Variants in TENM4 observed in about 807,000 individuals in gnomAD.
The protein encoded by TENM4 is teneurin transmembrane protein 4.
A neutral mutation model predicts 243.3 loss-of-function variants in TENM4; 82 were observed. The ratio of observed to expected loss-of-function variants is 0.34; its 90% CI spans 0.28 to 0.40. The LOEUF is 0.40. Ranked by LOEUF, TENM4 falls within the 10% of genes least tolerant of loss-of-function variation. The pLI is 1.00. For synonymous variants in TENM4, 1,412 were observed against 1,456.3 expected (o/e 0.97, Z 0.69); for missense variants, 3,138 against 3,673.3 (o/e 0.85, Z 3.77).
Position 78,658,436 on chromosome 11 carries a change from C to G in TENM4, c.7932G>C (p.Gly2644=). ...LSGGRRTLEN[G]VNVTVSQINT... ...TGATCTGGGACACAGTGACGTTGAC[C>G]CCATTCTCCAGGGTTCGCCGCCCCC... is the stretch of plus-strand genomic sequence containing the variant. Residue 2644 remains glycine, a synonymous_variant, in exon 34 of 34, where the codon GGG becomes GGC. Coordinates refer to ENST00000278550, the MANE Select transcript of TENM4 (RefSeq NM_001098816.3). 1 of 1,613,822 alleles carries G rather than the reference C, an allele frequency of 6.2e-7. No individual in the cohort carries two copies. The highest frequency in any genetic ancestry group is 8.5e-7 in the Non-Finnish European group (1 of 1,179,822).
chr11:79,195,058 G>A (rs1226468992), intron 3 of TENM4, among the ~76,000 whole-genome samples: 1 of 152,218 alleles, frequency 6.6e-6, no homozygotes, highest in Non-Finnish European at 1.5e-5. Flanking sequence ...TCAGGCTGTG[G>A]CTTCACAGGC....
intron 1 of TENM4, among the ~76,000 whole-genome samples, chr11:79,386,250 C>T (rs1222854164): frequency 6.6e-6 from 1 of 152,110 alleles, no homozygotes; most frequent in Non-Finnish European, 1.5e-5. Flanking sequence ...TTTCATACTT[C>T]ACACAAAAAT....
intron 6 of TENM4, among the ~76,000 whole-genome samples, chr11:78,916,231 G>A (rs1856313489): frequency 6.6e-6 from 1 of 152,196 alleles, no homozygotes; most frequent in Admixed American, 6.5e-5. Flanking sequence ...GTAAAATGGG[G>A]ATAATAGCAT....
At chr11:79,087,482 C>T (rs372086768) in intron 4 of TENM4, among the ~76,000 whole-genome samples, 8 of 152,300 alleles carry the variant, frequency 5.3e-5, no homozygotes, top group African/African-American at 1.7e-4. Context: ...GATCAGAGAT[C>T]GCTGTTAGCA....
intron 4 of TENM4, among the ~76,000 whole-genome samples, chr11:79,085,293 C>T (rs1367157644): frequency 6.6e-6 from 1 of 150,390 alleles, no homozygotes; most frequent in Non-Finnish European, 1.5e-5. Flanking sequence ...AGGAGAATGG[C>T]GTGAACCCGG....
chr11:79,285,422 C>T (rs556215250), intron 2 of TENM4, among the ~76,000 whole-genome samples: 6 of 152,096 alleles, frequency 3.9e-5, no homozygotes, highest in Admixed American at 2.6e-4. Context: ...TGTGAAATGG[C>T]GTAGCTATAT....
intron 20 of TENM4, among the ~76,000 whole-genome samples, chr11:78,736,715 G>A (rs1293795604): frequency 1.3e-5 from 2 of 152,200 alleles, no homozygotes; most frequent in African/African-American, 2.4e-5. Flanking sequence ...AACAAACAGA[G>A]ATTTTTGGAT....
chr11:78,774,615 T>C (rs1856705727), intron 17 of TENM4, among the ~76,000 whole-genome samples: 1 of 152,218 alleles, frequency 6.6e-6, no homozygotes, highest in African/African-American at 2.4e-5. Flanking sequence ...TATATATTTG[T>C]TAAAATAAAT....
intron 1 of TENM4, among the ~76,000 whole-genome samples, chr11:79,344,056 C>G (rs1266016778): frequency 7.9e-5 from 12 of 152,228 alleles, no homozygotes; most frequent in Admixed American, 6.5e-4. Flanking sequence ...ATTCTCCTAT[C>G]AATGAAGCAT....
intron 9 of TENM4, among the ~76,000 whole-genome samples, chr11:78,872,408 A>ACTG (rs1859157783): frequency 6.6e-6 from 1 of 152,186 alleles, no homozygotes; most frequent in Non-Finnish European, 1.5e-5. Flanking sequence ...GCCTGTTCAA[A>ACTG]CTGCTCTGCT....
chr11:78,671,361 C>T (rs903133221), intron 31 of TENM4, among the ~76,000 whole-genome samples: 5 of 152,172 alleles, frequency 3.3e-5, no homozygotes, highest in Non-Finnish European at 5.9e-5. Flanking sequence ...AGACCCACCT[C>T]AGAGCAAGCA....
At chr11:78,850,443 G>T (rs1858509439) in intron 12 of TENM4, among the ~76,000 whole-genome samples, 1 of 152,032 alleles carries the variant, frequency 6.6e-6, no homozygotes, top group Non-Finnish European at 1.5e-5. Flanking sequence ...TTATATATTG[G>T]GGCCATAATG....
At chr11:79,059,620 T>A (rs1017470385) in intron 6 of TENM4, among the ~76,000 whole-genome samples, 5 of 152,232 alleles carry the variant, frequency 3.3e-5, no homozygotes, top group Admixed American at 1.3e-4. Flanking sequence ...TTAATCTTTT[T>A]AATCATTTTG....
chr11:79,053,736 A>G (rs1404445399), intron 6 of TENM4, among the ~76,000 whole-genome samples: 2 of 152,104 alleles, frequency 1.3e-5, no homozygotes, highest in Non-Finnish European at 2.9e-5. Flanking sequence ...CTCTTCCTGA[A>G]AGAGATATTT....
At chr11:79,208,394 C>A (rs1863891156) in intron 3 of TENM4, among the ~76,000 whole-genome samples, 1 of 152,206 alleles carries the variant, frequency 6.6e-6, no homozygotes, top group African/African-American at 2.4e-5. Flanking sequence ...TCTCTCCACC[C>A]TGGTTTCCTC....
At chr11:78,894,117 A>G (rs1855734833) in intron 7 of TENM4, among the ~76,000 whole-genome samples, 1 of 152,182 alleles carries the variant, frequency 6.6e-6, no homozygotes, top group Admixed American at 6.5e-5. Context: ...GCACATAGTC[A>G]GTGCTTCATT....
chr11:79,015,581 T>C (rs1026128384), intron 6 of TENM4, among the ~76,000 whole-genome samples: 1 of 151,844 alleles, frequency 6.6e-6, no homozygotes, highest in Non-Finnish European at 1.5e-5. Context: ...AAACAACAGG[T>C]AATAAAAATT....
chr11:78,715,310 A>C (rs770718125), intron 25 of TENM4, among the ~76,000 whole-genome samples: 1 of 152,178 alleles, frequency 6.6e-6, no homozygotes, highest in Non-Finnish European at 1.5e-5. Context: ...TTCTGATGAC[A>C]GCTCTGAGGC....
chr11:78,745,631 C>T (rs529924577), intron 19 of TENM4, among the ~76,000 whole-genome samples: 16 of 152,292 alleles, frequency 1.1e-4, no homozygotes, highest in African/African-American at 3.8e-4. Context: ...AGGAACAAAT[C>T]GGTGAGAATC....
Sources: allele counts gnomAD v4.1 joint callset (sites outside exome capture counted in the v4.1 genomes callset), GRCh38; gene constraint gnomAD v4.1.1; transcripts MANE v1.5; gene names NCBI Gene and HGNC (gene_info 2026-07-23, HGNC 2026-07-21).